PIGK: variants seen among roughly 807,000 people sequenced by gnomAD.
PIGK encodes phosphatidylinositol glycan anchor biosynthesis class K, also known as GPI-anchor transamidase.
A neutral mutation model predicts 50.6 loss-of-function variants in PIGK; 42 were observed. The ratio of observed to expected loss-of-function variants is 0.83; its 90% CI spans 0.65 to 1.07. The LOEUF (loss-of-function observed/expected upper bound fraction) is 1.07, where lower values mean the gene tolerates loss of function less well. PIGK is among the 50% of genes least tolerant of loss of function. PIGK has a pLI of 0.00. For missense variants in PIGK, 448 were observed against 488.7 expected (o/e 0.92, Z 0.78); for synonymous variants, 151 against 156.0 (o/e 0.97, Z 0.24).
chr1:77,128,914 T>C (rs1461736555), intron 9 of PIGK, among the ~76,000 whole-genome samples: 1 of 152,184 alleles, frequency 6.6e-6, no homozygotes, highest in Non-Finnish European at 1.5e-5. Flanking sequence ...TTTATGTTTT[T>C]GAATGGTTAG....
At chr1:77,202,527 T>G (rs1656193967) in intron 3 of PIGK, among the ~76,000 whole-genome samples, 2 of 152,118 alleles carry the variant, frequency 1.3e-5, no homozygotes, top group Non-Finnish European at 2.9e-5. Context: ...AGACTGAAAC[T>G]GAAAGATCAG....
At chr1:77,133,993 A>G (rs908818243) in intron 9 of PIGK, among the ~76,000 whole-genome samples, 3 of 152,202 alleles carry the variant, frequency 2.0e-5, no homozygotes, top group African/African-American at 7.2e-5. Context: ...TCTCACCTAT[A>G]GCGCAGAGGT....
chr1:77,180,835 G>GC (rs1405045992), intron 3 of PIGK, among the ~76,000 whole-genome samples: 9 of 152,084 alleles, frequency 5.9e-5, no homozygotes, highest in Admixed American at 5.9e-4. Context: ...GAGCAGAGGG[G>GC]TGACTTTGAA....
Position 77,122,347 on chromosome 1 carries a change from G to A in PIGK, c.999C>T (p.Asp333=). ...GTTCCATTAGTTTCTCATCCATCTG[G>A]TCTTCCTTATAGCTGGAAAAGATAA... is the stretch of plus-strand genomic sequence containing the variant. ...SEIMESSYKE[D]QMDEKLMEPL... is the part of the protein sequence containing the mutation. The change falls in exon 10 of 11, where the codon GAC becomes GAT. Residue 333 remains aspartate (D), a synonymous_variant. Transcript: ENST00000370812. The A allele has an allele frequency of 3.1e-6, 5 of 1,592,370 alleles. No individual in the cohort carries two copies. The highest frequency in any genetic ancestry group is 2.2e-5 in the East Asian group (1 of 44,616).
At chr1:77,196,579 G>A (rs561459149) in intron 3 of PIGK, among the ~76,000 whole-genome samples, 124 of 152,220 alleles carry the variant, frequency 8.1e-4, no homozygotes, top group Non-Finnish European at 1.4e-3. Context: ...GTGATGTTGA[G>A]CACCTTTTCA....
intron 2 of PIGK, among the ~76,000 whole-genome samples, chr1:77,208,059 CA>C (rs999209319): frequency 5.3e-5 from 8 of 149,820 alleles, no homozygotes; most frequent in African/African-American, 9.8e-5. Flanking sequence ...CCCATCTCTA[CA>C]AAAAAAAATG....
rs78353918 is a variant in PIGK, at chr1:77,146,043, T to G, written c.986+8406A>C. Among the ~76,000 whole-genome samples the G allele has an allele frequency of 3.7e-3, 569 of 152,182 alleles. 4 individuals carry two copies. The highest frequency in any genetic ancestry group is 0.013 in the African/African-American group (539 of 41,538). On this transcript the variant is annotated intron_variant, in intron 9 of 10. Coordinates refer to ENST00000370812, the MANE Select transcript of PIGK (RefSeq NM_005482.3). ...ATTTAATACCATGATAAACCCACTA[T>G]GAAGTCAAAAATGATAAGTCGAACC...
chr1:77,156,269 T>C (rs558521238), intron 8 of PIGK, among the ~76,000 whole-genome samples: 7 of 152,272 alleles, frequency 4.6e-5, no homozygotes, highest in African/African-American at 1.7e-4. Flanking sequence ...TTTAAGAGTA[T>C]AGTCAAATGG....
chr1:77,178,287 C>T lies in PIGK; in HGVS notation c.240-8892G>A, dbSNP rs529134953. Among the ~76,000 whole-genome samples the T allele has an allele frequency of 1.1e-4, 16 of 152,268 alleles. No individual in the cohort carries two copies. In the East Asian group the frequency reaches 2.7e-3, roughly 26 times the overall value. Reference sequence around the variant, plus strand: ...ACATCACAGGTTAAAGAGAACATTGCCAGGAGGCCTTCATACTTCTAGAAG... The same window carrying T: ...ACATCACAGGTTAAAGAGAACATTGTCAGGAGGCCTTCATACTTCTAGAAG... On this transcript the variant is annotated intron_variant, in intron 3 of 10. Coordinates refer to ENST00000370812, the MANE Select transcript of PIGK (RefSeq NM_005482.3).
chr1:77,209,591 C>T (rs930892457), intron 2 of PIGK, among the ~76,000 whole-genome samples: 5 of 151,938 alleles, frequency 3.3e-5, no homozygotes, highest in African/African-American at 1.2e-4. Context: ...AGGAATTTAT[C>T]CTAAAGAGAA....
intron 10 of PIGK, among the ~76,000 whole-genome samples, chr1:77,119,385 C>T (rs1357245810): frequency 6.6e-6 from 1 of 152,184 alleles, no homozygotes; most frequent in Non-Finnish European, 1.5e-5. Context: ...GTTCTCTTCA[C>T]TGCTGTGACA....
intron 3 of PIGK, among the ~76,000 whole-genome samples, chr1:77,190,907 C>G (rs139201775): frequency 6.6e-6 from 1 of 152,136 alleles, no homozygotes; most frequent in African/African-American, 2.4e-5. Context: ...TTCAAATATT[C>G]CCCAATGTTA....
chr1:77,122,774 A>G (rs1196991898), intron 9 of PIGK, among the ~76,000 whole-genome samples: 1 of 152,162 alleles, frequency 6.6e-6, no homozygotes, highest in Non-Finnish European at 1.5e-5. Flanking sequence ...ACTACTGGCC[A>G]AACCCCATTG....
chr1:77,136,426 G>T (rs994064742), intron 9 of PIGK, among the ~76,000 whole-genome samples: 5 of 150,696 alleles, frequency 3.3e-5, no homozygotes, highest in African/African-American at 1.2e-4. Flanking sequence ...CTACTTGGGA[G>T]GCTGAGGCAG....
intron 3 of PIGK, among the ~76,000 whole-genome samples, chr1:77,175,174 A>G (rs1405156811): frequency 2.0e-5 from 3 of 152,364 alleles, no homozygotes; most frequent in East Asian, 3.9e-4. Flanking sequence ...TTAAGGTCAT[A>G]AACTGCTTTG....
chr1:77,160,373 A>C (rs1655105975), intron 8 of PIGK, among the ~76,000 whole-genome samples: 1 of 152,208 alleles, frequency 6.6e-6, no homozygotes. Context: ...AGCCTATAGC[A>C]GTGGGCTTCA....
chr1:77,097,860 AT>A (rs1281839467), intron 10 of PIGK, among the ~76,000 whole-genome samples: 1 of 152,166 alleles, frequency 6.6e-6, no homozygotes, highest in Non-Finnish European at 1.5e-5. Flanking sequence ...ATAGAAAAAA[AT>A]GTCATTCACA....
chr1:77,149,471 G>C (rs1480484450), intron 9 of PIGK, among the ~76,000 whole-genome samples: 1 of 151,908 alleles, frequency 6.6e-6, no homozygotes, highest in East Asian at 1.9e-4. Context: ...AGATAAAACA[G>C]ACTTTAAGTC....
At chr1:77,128,673 CTTA>C (rs1654285412) in intron 9 of PIGK, among the ~76,000 whole-genome samples, 1 of 152,182 alleles carries the variant, frequency 6.6e-6, no homozygotes, top group African/African-American at 2.4e-5. Flanking sequence ...TCATTGAGCA[CTTA>C]CTCTGAACTC....
Sources: gnomAD v4.1 joint callset for allele counts (sites outside exome capture counted in the v4.1 genomes callset) on GRCh38, gnomAD v4.1.1 for gene constraint, MANE v1.5 for transcripts, NCBI Gene and HGNC (gene_info 2026-07-23, HGNC 2026-07-21) for gene names.